ZNF662: variants seen among roughly 807,000 people sequenced by gnomAD.
The protein encoded by ZNF662 is zinc finger protein 662.
In ZNF662, 14 loss-of-function variants were observed where a neutral mutation model predicts 12.4. The observed-to-expected ratio is 1.13, with a 90% CI of 0.75 to 1.77. ZNF662 has a LOEUF of 1.77. Ranked by LOEUF, ZNF662 falls within the 40% of genes most tolerant of loss-of-function variation. The pLI is 0.00. For missense variants in ZNF662, 550 were observed against 515.6 expected, an observed-to-expected ratio of 1.07 and a Z score of -0.65; for synonymous variants, 184 against 176.4, an observed-to-expected ratio of 1.04 and a Z score of -0.34.
At chr3:42,907,006 G>A (rs989239166) in intron 1 of ZNF662, among the ~76,000 whole-genome samples, 1 of 152,172 alleles carries the variant, frequency 6.6e-6, no homozygotes, top group Non-Finnish European at 1.5e-5. Context: ...AAGCCTTGGA[G>A]CCCTGGAGTG....
chr3:42,909,435 A>G (rs1327607257), intron 3 of ZNF662, among the ~76,000 whole-genome samples: 1 of 152,190 alleles, frequency 6.6e-6, no homozygotes, highest in Non-Finnish European at 1.5e-5. Flanking sequence ...CTTAGTACAG[A>G]ACAAAATGGA....
In ZNF662 at chr3:42,914,755, G is replaced by C. The variant is rs193156382; in HGVS notation, c.682G>C (p.Ala228Pro). ...CTATGGATGTAAGGAATGTGGGAAG[G>C]CTTTCAGTTTTCGATCACATTGCAT... ...KVYGCKECGK[A>P]FSFRSHCIAH... The change falls in exon 5 of 5, where the codon GCT becomes CCT. Residue 228 changes from alanine to proline, a missense_variant. Coordinates refer to ENST00000440367, the MANE Select transcript of ZNF662 (RefSeq NM_207404.4). 10 of 1,613,964 alleles carry C rather than the reference G, an allele frequency of 6.2e-6. No homozygotes were observed. The Admixed American group carries it at 1.2e-4, about 19-fold the overall frequency.
chr3:42,908,104 A>G lies in ZNF662; in HGVS notation c.-11A>G, dbSNP rs1430342091. ...CTGGGCCCTGCTCAGAGAGCCCTGT[A>G]CAGGGATGTGATGCTGGAGAATTAT... On this transcript the variant is annotated 5_prime_UTR_variant, in exon 2 of 5. Transcript: ENST00000440367. 1 of 1,613,992 alleles carries G rather than the reference A, an allele frequency of 6.2e-7. No individual in the cohort carries two copies. The highest frequency in any genetic ancestry group is 8.5e-7 in the Non-Finnish European group (1 of 1,179,992).
chr3:42,907,998 G>GC, intron 1 of ZNF662, 24 bp from the exon 2 acceptor site: 1 of 1,613,826 alleles, frequency 6.2e-7, no homozygotes, highest in South Asian at 1.1e-5. Context: ...TTGTCCTAGG[G>GC]CATTTAAACA....
rs2088873717 is a variant in ZNF662, at chr3:42,914,433, C to A, written c.360C>A (p.Ser120=). ...VLSSGPQWCG[S]QELWFGKTCE... is the part of the protein sequence containing the mutation. ...CAAGTGGACCCCAGTGGTGTGGATC[C>A]CAGGAATTATGGTTTGGGAAAACCT... The change falls in exon 5 of 5, where the codon TCC becomes TCA. Residue 120 remains serine (S), a synonymous_variant. Transcript: ENST00000440367. 3.7e-6 allele frequency: 6 copies of A among 1,609,624 alleles called. No homozygotes were observed. Among genetic ancestry groups the A allele is most frequent in the Admixed American group, 1.7e-5 (1 of 59,556 alleles).
Position 42,906,215 on chromosome 3 carries a change from C to T in ZNF662, c.-94+47C>T, listed in dbSNP as rs139247429. 1,145 of 711,388 alleles carry T rather than the reference C, an allele frequency of 1.6e-3. 7 individuals are homozygous for T. Among genetic ancestry groups the T allele is most frequent in the African/African-American group, 0.013 (707 of 52,936 alleles). 44.1% of individuals were successfully genotyped at this position (711,388 alleles called of 1,614,324 possible). On this transcript the variant is annotated intron_variant, in intron 1 of 4. Coordinates refer to ENST00000440367, the MANE Select transcript of ZNF662 (RefSeq NM_207404.4). This position sits in a 1 kb window ranked among gnomAD's most constrained non-coding sequence, Gnocchi z 4.4. The stretch of plus-strand genomic sequence containing the variant: ...GCGTGGGGCGGGCAGGGAGTGGAGT[C>T]GGGGTCTTACTCCGGTGGCTGCAGG...
At chr3:42,909,282 T>G (rs371489830) in intron 3 of ZNF662, among the ~76,000 whole-genome samples, 2,401 of 152,220 alleles carry the variant, frequency 0.016, 44 homozygotes, top group South Asian at 0.078. Flanking sequence ...CGAGCATGCT[T>G]CCTTCAAGCA....
rs1422630967 is a variant in ZNF662 at position 42,914,666 on chromosome 3, G to A, written c.593G>A (p.Gly198Asp). 2.5e-6 allele frequency: 4 copies of A among 1,614,026 alleles called. No homozygotes were observed. The African/African-American group carries it at 5.3e-5, about 22-fold the overall frequency. Reference protein sequence around the residue: ...EQIFYICEECGKCFDQNEDFD... With the variant: ...EQIFYICEECDKCFDQNEDFD... ...ATATTCTATATATGTGAGGAATGCG[G>A]CAAGTGTTTTGATCAAAATGAGGAC... Residue 198 changes from glycine to aspartate, a missense_variant, in exon 5 of 5, where the codon GGC becomes GAC. Coordinates refer to ENST00000440367, the MANE Select transcript of ZNF662 (RefSeq NM_207404.4).
chr3:42,918,835 G>A lies in ZNF662; in HGVS notation c.*3481G>A, dbSNP rs2088921612. Among the ~76,000 whole-genome samples the A allele has an allele frequency of 6.6e-6, 1 of 152,042 alleles. No individual in the cohort carries two copies. The highest frequency in any genetic ancestry group is 2.4e-5 in the African/African-American group (1 of 41,374). ...CTGAAGGTGAGAAGAGACAAACCAG[G>A]TTATTAGAAGACAATCAAAATGAAA... On this transcript the variant is annotated 3_prime_UTR_variant, in exon 5 of 5. Coordinates refer to ENST00000440367, the MANE Select transcript of ZNF662 (RefSeq NM_207404.4).
intron 3 of ZNF662, among the ~76,000 whole-genome samples, chr3:42,912,472 AT>A (rs1175021429): frequency 1.1e-4 from 7 of 62,618 alleles, no homozygotes; most frequent in East Asian, 6.8e-4. Flanking sequence ...TATAATATAT[AT>A]TTTTATATAT....
At position 42,906,518 on chromosome 3, in the gene ZNF662, G is replaced by A. The variant is rs1330748790; in HGVS notation, c.-94+350G>A. ...AGGCCCGGAGACGGGGTGGTGCGGC[G>A]GCTGGGAAATGGGGGTACAACCCAG... is the stretch of plus-strand genomic sequence containing the variant. On this transcript the variant is annotated intron_variant, in intron 1 of 4. Coordinates refer to ENST00000440367, the MANE Select transcript of ZNF662 (RefSeq NM_207404.4). The surrounding 1 kb of genome is among the most constrained non-coding windows in gnomAD (Gnocchi z 4.4). 6 of 1,306,894 alleles carry A rather than the reference G, an allele frequency of 4.6e-6. No homozygotes were observed. The African/African-American group carries it at 6.3e-5, about 14-fold the overall frequency. 81.0% of individuals were successfully genotyped at this position (1,306,894 alleles called of 1,614,324 possible).
In ZNF662 at chr3:42,914,895, AC is replaced by A. The variant is rs768196299; in HGVS notation, c.825del (p.Phe276LeufsTer128). On this transcript the variant is annotated frameshift_variant, in exon 5 of 5. Transcript: ENST00000440367. LOFTEE classifies it low-confidence loss of function (END_TRUNC). The stretch of plus-strand genomic sequence containing the variant: ...ACCAGAGAATACATACTGGAGAGAA[AC>A]CCTTTGAATGTAAGGAATGTGGGAA... ...RHQRIHTGEK[P>X]FECKECGKGF... 9.9e-6 allele frequency: 16 copies of A among 1,614,062 alleles called. No individual in the cohort carries two copies. In the African/African-American group the frequency reaches 2.1e-4, roughly 22 times the overall value.
Position 42,914,963 on chromosome 3 carries a change from T to G in ZNF662, c.890T>G (p.Ile297Ser). The stretch of plus-strand genomic sequence containing the variant: ...ACAAGCCTTACGCAACATCAACGGA[T>G]CCACACTGGTGAGAAACCATACACA... ...QNTSLTQHQR[I>S]HTGEKPYTCK... is the part of the protein sequence containing the mutation. Residue 297 changes from isoleucine (I) to serine (S), a missense_variant, in exon 5 of 5, where the codon ATC becomes AGC. Coordinates refer to ENST00000440367, the MANE Select transcript of ZNF662 (RefSeq NM_207404.4). 6.2e-7 allele frequency: 1 copy of G among 1,614,096 alleles called. No individual in the cohort carries two copies. The highest frequency in any genetic ancestry group is 1.3e-5 in the African/African-American group (1 of 74,996).
intron 3 of ZNF662, among the ~76,000 whole-genome samples, chr3:42,910,907 T>C (rs1246855637): frequency 6.6e-6 from 1 of 152,240 alleles, no homozygotes; most frequent in East Asian, 1.9e-4. Context: ...TGTTGTTTCA[T>C]GTAACTGGGA....
At position 42,906,446 on chromosome 3, in the gene ZNF662, G is replaced by T; in HGVS notation, c.-94+278G>T. 6.9e-7 allele frequency: 1 copy of T among 1,442,974 alleles called. No homozygotes were observed. The highest frequency in any genetic ancestry group is 9.1e-7 in the Non-Finnish European group (1 of 1,103,490). 89.4% of individuals were successfully genotyped at this position (1,442,974 alleles called of 1,614,324 possible). On this transcript the variant is annotated intron_variant, in intron 1 of 4. Transcript: ENST00000440367. This position sits in a 1 kb window ranked among gnomAD's most constrained non-coding sequence, Gnocchi z 4.4. Reference sequence around the variant, plus strand: ...GCGCTGCCCCGGGCGCGCCGGGTGAGTGCGGGGCCGGAGCCTGGAAGCAGT... The same window carrying T: ...GCGCTGCCCCGGGCGCGCCGGGTGATTGCGGGGCCGGAGCCTGGAAGCAGT...
Position 42,913,223 on chromosome 3 carries a change from T to C in ZNF662, c.174T>C (p.Ala58=), listed in dbSNP as rs1381581142. ...ISSGYPFLKP[A]GISHPEQVEE... The stretch of plus-strand genomic sequence containing the variant: ...CAGGATATCCATTTCTAAAGCCTGC[T>C]GGGATTTCCCATCCTGAGCAGGTGG... The change falls in exon 4 of 5, where the codon GCT becomes GCC. Residue 58 remains alanine (A), a synonymous_variant. Transcript: ENST00000440367. 1.2e-6 allele frequency: 2 copies of C among 1,614,082 alleles called. No individual in the cohort carries two copies. The highest frequency in any genetic ancestry group is 2.2e-5 in the East Asian group (1 of 44,880).
rs540734818 is a variant in ZNF662, at chr3:42,908,037, G to A, written c.-78G>A. Reference sequence around the variant, plus strand: ...GTTGTTTCAGGAGTCAGTGACCTTCGAGGATGTGGCCGTCTACTTCTCTGA... The same window carrying A: ...GTTGTTTCAGGAGTCAGTGACCTTCAAGGATGTGGCCGTCTACTTCTCTGA... On this transcript the variant is annotated 5_prime_UTR_variant, in exon 2 of 5. Transcript: ENST00000440367. 1.4e-5 allele frequency: 23 copies of A among 1,614,028 alleles called. No individual in the cohort carries two copies. Among genetic ancestry groups the A allele is most frequent in the Admixed American group, 3.3e-5 (2 of 60,004 alleles).
intron 3 of ZNF662, among the ~76,000 whole-genome samples, chr3:42,912,673 A>ATG (rs1559381545): frequency 8.8e-5 from 2 of 22,620 alleles, no homozygotes; most frequent in Non-Finnish European, 1.0e-4. Flanking sequence ...TATATTTTTT[A>ATG]TATATATAAA....
chr3:42,915,078 G>A lies in ZNF662; in HGVS notation c.1005G>A (p.Lys335=). 1 of 1,614,210 alleles carries A rather than the reference G, an allele frequency of 6.2e-7. No individual in the cohort carries two copies. Among genetic ancestry groups the A allele is most frequent in the Non-Finnish European group, 8.5e-7 (1 of 1,180,032 alleles). Residue 335 remains lysine (K), a synonymous_variant, in exon 5 of 5, where the codon AAG becomes AAA. Transcript: ENST00000440367. ...CTGGGGAGAAGCCTTACGAATGTAAGGACTGTGGGAAGGGCTTCATGTGGA... is the reference window on the plus strand; with the variant it reads ...CTGGGGAGAAGCCTTACGAATGTAAAGACTGTGGGAAGGGCTTCATGTGGA... ...MHTGEKPYEC[K]DCGKGFMWNS... is the part of the protein sequence containing the mutation.
Sources: allele counts gnomAD v4.1 joint callset (sites outside exome capture counted in the v4.1 genomes callset), GRCh38; gene constraint gnomAD v4.1.1; non-coding constraint Gnocchi (gnomAD v3.1); transcripts MANE v1.5; gene names NCBI Gene and HGNC (gene_info 2026-07-23, HGNC 2026-07-21).